RALGAPA1: variants seen among roughly 807,000 people sequenced by gnomAD.
RALGAPA1 encodes ral GTPase-activating protein subunit alpha-1.
Under a neutral mutation model 269.6 loss-of-function variants are expected in RALGAPA1, and 52 were observed. The ratio of observed to expected loss-of-function variants is 0.19; its 90% CI spans 0.15 to 0.24. RALGAPA1 has a LOEUF of 0.24. Among genes scored for constraint, RALGAPA1 ranks in the 10% least tolerant of loss-of-function variants. The probability of loss-of-function intolerance (pLI) is 1.00; values close to 1 mark genes in which losing one functional copy is unlikely to be tolerated. For missense variants in RALGAPA1, 1,917 were observed against 3,013.9 expected (o/e 0.64, Z 8.52); for synonymous variants, 817 against 1,008.3 (o/e 0.81, Z 3.60).
chr14:35,660,942 C>T (rs1049430645), intron 27 of RALGAPA1, among the ~76,000 whole-genome samples: 5 of 152,034 alleles, frequency 3.3e-5, no homozygotes, highest in African/African-American at 1.2e-4. Context: ...GAGAGTAGAA[C>T]GGTAGTTAGC....
chr14:35,543,069 C>T (rs1376030599), intron 41 of RALGAPA1, among the ~76,000 whole-genome samples: 3 of 152,096 alleles, frequency 2.0e-5, no homozygotes, highest in Non-Finnish European at 2.9e-5. Flanking sequence ...TGAACTCCAG[C>T]GACGATGTGA....
intron 10 of RALGAPA1, among the ~76,000 whole-genome samples, chr14:35,745,963 C>A (rs1266870219): frequency 6.6e-6 from 1 of 151,710 alleles, no homozygotes; most frequent in Non-Finnish European, 1.5e-5. Context: ...TGGTGGTGTG[C>A]ACCTGTAGTC....
At chr14:35,694,091 T>TA (rs1021692429) in intron 17 of RALGAPA1, among the ~76,000 whole-genome samples, 164 of 145,358 alleles carry the variant, frequency 1.1e-3, no homozygotes, top group Middle Eastern at 3.6e-3. Context: ...AAGCTCGCCT[T>TA]AAAAAAAAAA....
At position 35,688,520 on chromosome 14, in the gene RALGAPA1, T is replaced by C. The variant is rs971664629; in HGVS notation, c.3891A>G (p.Pro1297=). The C allele has an allele frequency of 6.5e-7, 1 of 1,536,042 alleles. No individual in the cohort carries two copies. Among genetic ancestry groups the C allele is most frequent in the Admixed American group, 2.0e-5 (1 of 50,980 alleles). ...TGTACAGATCCCTCAGTGGAGCCTCTGGTGGCATTCTGTTCTGCCTCTGTG... is the reference window on the plus strand; with the variant it reads ...TGTACAGATCCCTCAGTGGAGCCTCCGGTGGCATTCTGTTCTGCCTCTGTG... ...VSPQRQNRMP[P]EAPLRDLYSH... Residue 1297 remains proline, a synonymous_variant, in exon 18 of 42, where the codon CCA becomes CCG. Coordinates refer to ENST00000680220, the MANE Select transcript of RALGAPA1 (RefSeq NM_001346249.2).
chr14:35,637,083 G>A (rs1398318297), intron 31 of RALGAPA1, among the ~76,000 whole-genome samples: 1 of 152,130 alleles, frequency 6.6e-6, no homozygotes. Context: ...ACATAGGAAA[G>A]GTAATGCTTA....
intron 32 of RALGAPA1, 142 bp from the exon 33 acceptor site, chr14:35,634,899 G>T: frequency 1.3e-6 from 1 of 784,492 alleles, no homozygotes; most frequent in Non-Finnish European, 1.9e-6. Context: ...TGGCACAGTG[G>T]CTCATGCCTG....
chr14:35,722,257 C>T (rs2069489608), intron 15 of RALGAPA1, among the ~76,000 whole-genome samples: 1 of 152,138 alleles, frequency 6.6e-6, no homozygotes, highest in Non-Finnish European at 1.5e-5. Context: ...ACATAATACC[C>T]TGGACAAAAG....
chr14:35,689,188 C>A lies in RALGAPA1; in HGVS notation c.3223G>T (p.Val1075Phe). 8.1e-7 allele frequency: 1 copy of A among 1,233,072 alleles called. No individual in the cohort carries two copies. The highest frequency in any genetic ancestry group is 1.0e-6 in the Non-Finnish European group (1 of 988,680). The allele number at this position is 1,233,072 out of a possible 1,614,324, so 76.4% of individuals were successfully genotyped here. The change falls in exon 18 of 42, where the codon GTT becomes TTT. Residue 1075 changes from valine to phenylalanine, a missense_variant. By Grantham distance (50) the Val-to-Phe change is conservative. Transcript: ENST00000680220. ...RQAATELDAC[V>F]DVTLVEKLKS... Reference sequence around the variant, plus strand: ...AGCTTTTCAACTAGTGTTACATCAACACAAGCATCTAATTCTGTGGCTGCT... The same window carrying A: ...AGCTTTTCAACTAGTGTTACATCAAAACAAGCATCTAATTCTGTGGCTGCT...
Position 35,702,726 on chromosome 14 carries a change from A to AATAT in RALGAPA1, c.2267-2428_2267-2425dup, listed in dbSNP as rs1555409671. On this transcript the variant is annotated intron_variant, in intron 16 of 41. Coordinates refer to ENST00000680220, the MANE Select transcript of RALGAPA1 (RefSeq NM_001346249.2). ...TAATCACCTTTAATTAAAAAAAAAAAATATATATATATATACATTTTTTTT... is the reference window on the plus strand; with the variant it reads ...TAATCACCTTTAATTAAAAAAAAAAAATATATATATATATATATACATTTTTTTT... Among the ~76,000 whole-genome samples, 673 of 143,502 alleles carry AATAT rather than the reference A, an allele frequency of 4.7e-3. 4 individuals are homozygous for AATAT. Among genetic ancestry groups the AATAT allele is most frequent in the African/African-American group, 0.017 (645 of 38,630 alleles). The allele number at this position is 143,502 out of a possible 152,430, so 94.1% of individuals were successfully genotyped here. A position where few individuals can be genotyped will look rare whatever the true frequency, so the allele number is the denominator to read the frequency against.
At chr14:35,642,730 T>C (rs11849830) in intron 31 of RALGAPA1, among the ~76,000 whole-genome samples, 51,970 of 152,010 alleles carry the variant, frequency 0.34, 12,086 homozygotes, top group African/African-American at 0.65. Flanking sequence ...CACTTTTACA[T>C]GGTTGGAGTG....
At chr14:35,558,908 C>CA (rs2055886935) in intron 39 of RALGAPA1, among the ~76,000 whole-genome samples, 1 of 152,074 alleles carries the variant, frequency 6.6e-6, no homozygotes, top group South Asian at 2.1e-4. Flanking sequence ...AGAAGTGAAG[C>CA]CAGGGAACCC....
intron 22 of RALGAPA1, among the ~76,000 whole-genome samples, chr14:35,675,740 A>G (rs1048824872): frequency 5.3e-5 from 8 of 152,224 alleles, no homozygotes; most frequent in Non-Finnish European, 8.8e-5. Flanking sequence ...AATGTATATA[A>G]TGGAAAAGGC....
chr14:35,676,184 A>G (rs1348781813), intron 22 of RALGAPA1: 3 of 152,134 alleles, frequency 2.0e-5, no homozygotes, highest in Admixed American at 6.5e-5. Context: ...ATTAAAAAGC[A>G]AGCAACAATG....
chr14:35,684,035 A>G, intron 20 of RALGAPA1, 50 bp from the exon 21 acceptor site: 3 of 1,481,080 alleles, frequency 2.0e-6, no homozygotes, highest in Non-Finnish European at 2.8e-6. Flanking sequence ...CAAAGTAAAA[A>G]TATTTACGAG....
At chr14:35,561,250 A>AT (rs2056199966) in intron 39 of RALGAPA1, among the ~76,000 whole-genome samples, 2 of 150,082 alleles carry the variant, frequency 1.3e-5, no homozygotes, top group Non-Finnish European at 1.5e-5. Context: ...AAAAAAAAAA[A>AT]AATACAGTAA....
At chr14:35,630,802 C>T (rs1049988227) in intron 33 of RALGAPA1, among the ~76,000 whole-genome samples, 4 of 152,086 alleles carry the variant, frequency 2.6e-5, no homozygotes, top group East Asian at 1.9e-4. Flanking sequence ...ACCTGGCAGG[C>T]GGAGGTTGCA....
At chr14:35,760,721 T>C in intron 6 of RALGAPA1, 108 bp downstream of exon 6, 2 of 706,750 alleles carry the variant, frequency 2.8e-6, no homozygotes, top group South Asian at 4.9e-5. Context: ...TTTTAAAGCA[T>C]TGCCTTGGAT....
At chr14:35,591,779 A>G (rs1286920563) in intron 37 of RALGAPA1, among the ~76,000 whole-genome samples, 2 of 152,176 alleles carry the variant, frequency 1.3e-5, no homozygotes, top group Non-Finnish European at 2.9e-5. Flanking sequence ...TGTGTCTCCA[A>G]CTAAATCTCA....
intron 39 of RALGAPA1, among the ~76,000 whole-genome samples, chr14:35,568,653 C>A (rs889642438): frequency 6.6e-6 from 1 of 152,084 alleles, no homozygotes; most frequent in African/African-American, 2.4e-5. Flanking sequence ...AGATTCCAGG[C>A]CCCAAAGGTA....
Sources: gnomAD v4.1 joint callset for allele counts (sites outside exome capture counted in the v4.1 genomes callset) on GRCh38, gnomAD v4.1.1 for gene constraint, MANE v1.5 for transcripts, NCBI Gene and HGNC (gene_info 2026-07-23, HGNC 2026-07-21) for gene names.